The following CTNNA3 variants were observed in gnomAD, a reference collection of about 807,000 sequenced individuals.
CTNNA3 encodes catenin alpha-3.
Under a neutral mutation model 95.7 loss-of-function variants are expected in CTNNA3, and 76 were observed. That is an observed-to-expected ratio of 0.79 (90% confidence interval 0.66 to 0.96). The LOEUF is 0.96. Ranked by LOEUF, CTNNA3 falls within the 40% of genes least tolerant of loss-of-function variation. The pLI is 0.00. For missense variants in CTNNA3, 1,191 were observed against 1,089.8 expected (o/e 1.09, Z -1.31); for synonymous variants, 431 against 374.4 (o/e 1.15, Z -1.74).
rs549830097 is a variant in CTNNA3 at position 66,628,601 on chromosome 10, T to C, written c.1282-6817A>G. On this transcript the variant is annotated intron_variant, in intron 9 of 17. Coordinates refer to ENST00000433211, the MANE Select transcript of CTNNA3 (RefSeq NM_013266.4). ...ATGTGTTATTTATTTTTAACTTGTA[T>C]TGGCAAAGGAGACTTGGGCTTCTTT... 5.3e-5 allele frequency among the ~76,000 whole-genome samples: 8 copies of C among 152,274 alleles called. No individual in the cohort carries two copies. The South Asian group carries it at 1.7e-3, about 32-fold the overall frequency.
In CTNNA3 at chr10:66,421,366, C is replaced by A. The variant is rs186314425; in HGVS notation, c.1532-42014G>T. Among the ~76,000 whole-genome samples, 330 of 152,176 alleles carry A rather than the reference C, an allele frequency of 2.2e-3. 1 individual carries two copies. Among genetic ancestry groups the A allele is most frequent in the African/African-American group, 7.6e-3 (316 of 41,516 alleles). The stretch of plus-strand genomic sequence containing the variant: ...TTGACAGCAAAGTAGAGTGACTATG[C>A]TTTACAACAATATAATCTATATTTC... On this transcript the variant is annotated intron_variant, in intron 11 of 17. Transcript: ENST00000433211.
intron 3 of CTNNA3, among the ~76,000 whole-genome samples, chr10:67,566,756 G>T (rs1340471825): frequency 6.6e-6 from 1 of 152,020 alleles, no homozygotes; most frequent in African/African-American, 2.4e-5. Context: ...CAAGAGCAAA[G>T]ACTTGGAACC....
chr10:66,059,205 A>C (rs1320554050), intron 15 of CTNNA3, among the ~76,000 whole-genome samples: 1 of 152,132 alleles, frequency 6.6e-6, no homozygotes, highest in Non-Finnish European at 1.5e-5. Flanking sequence ...GAAAATTGGC[A>C]TCTCATTTGG....
chr10:66,638,253 G>C (rs1269191910), intron 9 of CTNNA3, among the ~76,000 whole-genome samples: 1 of 152,164 alleles, frequency 6.6e-6, no homozygotes, highest in Non-Finnish European at 1.5e-5. Context: ...GTTCCTGCAA[G>C]TGACTTGTTT....
intron 9 of CTNNA3, among the ~76,000 whole-genome samples, chr10:66,685,533 C>T (rs932152487): frequency 2.6e-4 from 39 of 149,456 alleles, no homozygotes; most frequent in Admixed American, 8.0e-4. Flanking sequence ...CCACCACGCC[C>T]GGCTAACTTT....
chr10:66,340,320 C>G (rs2092440664), intron 12 of CTNNA3, among the ~76,000 whole-genome samples: 1 of 151,684 alleles, frequency 6.6e-6, no homozygotes, highest in Non-Finnish European at 1.5e-5. Flanking sequence ...ATGTCAAGTT[C>G]CAGAGATAAA....
In CTNNA3 at chr10:66,128,952, A is replaced by T. The variant is rs1048410798; in HGVS notation, c.1885-25703T>A. Among the ~76,000 whole-genome samples, 5 of 148,424 alleles carry T rather than the reference A, an allele frequency of 3.4e-5. No homozygotes were observed. The Admixed American group carries it at 3.4e-4, about 10-fold the overall frequency. ...TGTGAACCTAAAAAATAGTCTGTTT[A>T]AAAAAAAAACAAAAAACAAAAAAAA... On this transcript the variant is annotated intron_variant, in intron 13 of 17. Transcript: ENST00000433211.
chr10:66,688,398 TC>T (rs1205909455), intron 9 of CTNNA3, among the ~76,000 whole-genome samples: 2 of 152,104 alleles, frequency 1.3e-5, no homozygotes. Context: ...CTTGTTTTCA[TC>T]CCACCGGATT....
At chr10:67,026,694 G>A (rs778527717) in intron 7 of CTNNA3, among the ~76,000 whole-genome samples, 7 of 152,094 alleles carry the variant, frequency 4.6e-5, no homozygotes, top group Non-Finnish European at 1.0e-4. Flanking sequence ...TTCAGTTTGA[G>A]CAACCAGTGA....
chr10:67,370,177 C>T (rs1843368448), intron 5 of CTNNA3, among the ~76,000 whole-genome samples: 1 of 152,024 alleles, frequency 6.6e-6, no homozygotes, highest in Non-Finnish European at 1.5e-5. Context: ...TAATTGAATA[C>T]TATAAAGCTG....
chr10:66,405,296 G>A (rs180727756), intron 11 of CTNNA3, among the ~76,000 whole-genome samples: 53 of 152,168 alleles, frequency 3.5e-4, no homozygotes, highest in African/African-American at 1.2e-3. Flanking sequence ...GTTAAATTAT[G>A]TGATTTATAT....
chr10:66,831,699 A>T (rs1185154186), intron 7 of CTNNA3, among the ~76,000 whole-genome samples: 1 of 152,162 alleles, frequency 6.6e-6, no homozygotes, highest in Non-Finnish European at 1.5e-5. Context: ...AACAAAAAAA[A>T]GGGGAAGGAG....
At chr10:66,400,789 A>T (rs2093014382) in intron 11 of CTNNA3, among the ~76,000 whole-genome samples, 1 of 152,104 alleles carries the variant, frequency 6.6e-6, no homozygotes, top group African/African-American at 2.4e-5. Context: ...TCAACTTTTG[A>T]TACCTATTTT....
At chr10:66,886,689 G>A (rs1035773276) in intron 7 of CTNNA3, among the ~76,000 whole-genome samples, 1 of 152,070 alleles carries the variant, frequency 6.6e-6, no homozygotes, top group Non-Finnish European at 1.5e-5. Context: ...CAGAAAGGCT[G>A]GAATTCTGTC....
At chr10:67,390,857 C>A (rs372963996) in intron 5 of CTNNA3, among the ~76,000 whole-genome samples, 6 of 144,604 alleles carry the variant, frequency 4.1e-5, no homozygotes, top group Admixed American at 3.5e-4. Flanking sequence ...ATTCAACAAC[C>A]CTTCATGCTA....
At chr10:66,175,802 T>G (rs1295354853) in intron 13 of CTNNA3, among the ~76,000 whole-genome samples, 1 of 152,300 alleles carries the variant, frequency 6.6e-6, no homozygotes, top group African/African-American at 2.4e-5. Context: ...AATGCCATTA[T>G]TCAGAAATTT....
intron 17 of CTNNA3, among the ~76,000 whole-genome samples, chr10:65,929,839 T>C (rs1234412840): frequency 6.6e-6 from 1 of 152,152 alleles, no homozygotes; most frequent in Non-Finnish European, 1.5e-5. Context: ...AGTGTTAGGA[T>C]ACAGGTGTGA....
At chr10:66,290,066 TG>T (rs1179980337) in intron 12 of CTNNA3, among the ~76,000 whole-genome samples, 1 of 151,966 alleles carries the variant, frequency 6.6e-6, no homozygotes, top group Non-Finnish European at 1.5e-5. Context: ...GATGACTGGA[TG>T]GCTAGGTGGG....
At chr10:66,342,947 A>T (rs10740237) in intron 12 of CTNNA3, among the ~76,000 whole-genome samples, 89,674 of 151,962 alleles carry the variant, frequency 0.59, 28,816 homozygotes, top group Non-Finnish European at 0.72. Flanking sequence ...TCATTGTTTT[A>T]TTTAATTCTC....
Sources: gnomAD v4.1 joint callset for allele counts (sites outside exome capture counted in the v4.1 genomes callset) on GRCh38, gnomAD v4.1.1 for gene constraint, MANE v1.5 for transcripts, NCBI Gene and HGNC (gene_info 2026-07-23, HGNC 2026-07-21) for gene names.